The following RCL1 variants were observed in gnomAD, a reference collection of about 807,000 sequenced individuals.
The protein encoded by RCL1 is RNA 3'-terminal phosphate cyclase-like protein.
RCL1 carries 24 observed loss-of-function variants against 42.4 expected under a neutral mutation model. The ratio of observed to expected loss-of-function variants is 0.57; its 90% CI spans 0.41 to 0.80. RCL1 has a LOEUF of 0.80. Ranked by LOEUF, RCL1 falls within the 30% of genes least tolerant of loss-of-function variation. The pLI, the probability that RCL1 is intolerant of heterozygous loss-of-function variation, is 0.00. For missense variants in RCL1, 578 were observed against 467.9 expected (o/e 1.24, Z -2.17); for synonymous variants, 228 against 177.3 (o/e 1.29, Z -2.27).
chr9:4,855,858 A>T (rs7853365), intron 8 of RCL1, among the ~76,000 whole-genome samples: 2 of 152,008 alleles, frequency 1.3e-5, no homozygotes, highest in Non-Finnish European at 1.5e-5. Context: ...AATACCCCAA[A>T]CTTGCAAATA....
At chr9:4,814,265 C>T (rs1816291620) in intron 1 of RCL1, among the ~76,000 whole-genome samples, 1 of 125,798 alleles carries the variant, frequency 7.9e-6, no homozygotes, top group South Asian at 2.5e-4. Flanking sequence ...GAGTTTTTAT[C>T]ATGAGGGGGT....
At chr9:4,838,435 C>G (rs138805945) in intron 5 of RCL1, among the ~76,000 whole-genome samples, 1 of 152,126 alleles carries the variant, frequency 6.6e-6, no homozygotes, top group Non-Finnish European at 1.5e-5. Context: ...GCAGTGCTGT[C>G]CTAGGAGCTC....
In RCL1 at chr9:4,860,581, C is replaced by T; in HGVS notation, c.*306C>T. ...CTAGAACAGTCTCGTAGCTGCAGTTCAGCTGTGCTTCCTCAGCCTACTATC... is the reference window on the plus strand; with the variant it reads ...CTAGAACAGTCTCGTAGCTGCAGTTTAGCTGTGCTTCCTCAGCCTACTATC... On this transcript the variant is annotated 3_prime_UTR_variant, in exon 9 of 9. Coordinates refer to ENST00000381750, the MANE Select transcript of RCL1 (RefSeq NM_005772.5). 1 of 279,280 alleles carries T rather than the reference C, an allele frequency of 3.6e-6. No homozygotes were observed. The highest frequency in any genetic ancestry group is 6.6e-6 in the Non-Finnish European group (1 of 150,940). 17.3% of individuals were successfully genotyped at this position (279,280 alleles called of 1,614,324 possible).
intron 8 of RCL1, among the ~76,000 whole-genome samples, chr9:4,858,384 T>C (rs950377027): frequency 6.6e-6 from 1 of 152,244 alleles, no homozygotes; most frequent in Non-Finnish European, 1.5e-5. Context: ...TTTTGTCTCT[T>C]ATTGCCATCC....
chr9:4,821,044 G>A (rs1335072284), intron 1 of RCL1, among the ~76,000 whole-genome samples: 2 of 152,100 alleles, frequency 1.3e-5, no homozygotes, highest in African/African-American at 2.4e-5. Context: ...TATAGTTGAA[G>A]GTACCATGAT....
At chr9:4,826,765 C>G (rs1262923915) in intron 2 of RCL1, 93 bp from the exon 3 acceptor site, 3 of 1,146,506 alleles carry the variant, frequency 2.6e-6, no homozygotes, top group African/African-American at 3.1e-5. Context: ...ATGCCCTTGT[C>G]AGGCTTTCCC....
chr9:4,846,894 C>CTTTTTTCTTTTTTCTT lies in RCL1; in HGVS notation c.867+2219_867+2220insCTTTTTTCTTTTTTTT, dbSNP rs57427254. Among the ~76,000 whole-genome samples, 70 of 148,630 alleles carry CTTTTTTCTTTTTTCTT rather than the reference C, an allele frequency of 4.7e-4. 1 individual carries two copies. Among genetic ancestry groups the CTTTTTTCTTTTTTCTT allele is most frequent in the East Asian group, 5.9e-4 (3 of 5,076 alleles). On this transcript the variant is annotated intron_variant, in intron 7 of 8. Coordinates refer to ENST00000381750, the MANE Select transcript of RCL1 (RefSeq NM_005772.5). ...TTAAATTAGGTTCTTTAATATTTTT[C>CTTTTTTCTTTTTTCTT]TTTTTTTTTTTGAGGAAGAGTCTCA...
At chr9:4,805,647 G>A (rs969725429) in intron 1 of RCL1, among the ~76,000 whole-genome samples, 1 of 152,204 alleles carries the variant, frequency 6.6e-6, no homozygotes, top group Non-Finnish European at 1.5e-5. Flanking sequence ...GGGACAGTGG[G>A]CAGGTAGCTG....
At chr9:4,822,278 C>A (rs578199951) in intron 1 of RCL1, among the ~76,000 whole-genome samples, 4 of 152,170 alleles carry the variant, frequency 2.6e-5, no homozygotes, top group Non-Finnish European at 4.4e-5. Context: ...TGGTTTATTA[C>A]AGGAGTGGGA....
intron 1 of RCL1, among the ~76,000 whole-genome samples, chr9:4,811,249 T>A (rs1816162953): frequency 6.8e-6 from 1 of 146,060 alleles, no homozygotes. Context: ...ACCACTGCAC[T>A]GGGCAATAGA....
chr9:4,793,376 G>A (rs1343755035), intron 1 of RCL1, 149 bp downstream of exon 1: 5 of 887,500 alleles, frequency 5.6e-6, no homozygotes, highest in Non-Finnish European at 8.0e-6. Context: ...CTCCAAAGCC[G>A]GAGGGGCAGG....
intron 1 of RCL1, among the ~76,000 whole-genome samples, chr9:4,816,771 A>G (rs1816393200): frequency 6.6e-6 from 1 of 152,200 alleles, no homozygotes; most frequent in African/African-American, 2.4e-5. Flanking sequence ...CTATACTACA[A>G]TAGCCATCTT....
chr9:4,844,608 G>T lies in RCL1; in HGVS notation c.794G>T (p.Gly265Val). 1 of 1,614,088 alleles carries T rather than the reference G, an allele frequency of 6.2e-7. No individual in the cohort carries two copies. The change falls in exon 7 of 9, where the codon GGC becomes GTC. Residue 265 changes from glycine to valine, a missense_variant. By Grantham distance (109) the Gly-to-Val change is moderately radical. Transcript: ENST00000381750. The part of the protein sequence containing the change: ...LSAELASNPQ[G>V]QGAAVLPEDL... Reference sequence around the variant, plus strand: ...GCTGAACTGGCCTCCAACCCCCAGGGCCAGGGAGCAGCAGTACTTCCAGAG... The same window carrying T: ...GCTGAACTGGCCTCCAACCCCCAGGTCCAGGGAGCAGCAGTACTTCCAGAG...
chr9:4,838,723 A>C (rs1268422437), intron 5 of RCL1, among the ~76,000 whole-genome samples: 1 of 152,218 alleles, frequency 6.6e-6, no homozygotes, highest in Non-Finnish European at 1.5e-5. Context: ...AATGGGCTTT[A>C]GGAGGTTCAT....
chr9:4,793,885 G>A (rs1405586304), intron 1 of RCL1, among the ~76,000 whole-genome samples: 2 of 152,220 alleles, frequency 1.3e-5, no homozygotes, highest in African/African-American at 4.8e-5. Context: ...TAGAAAAGGG[G>A]TCGGTGACAA....
intron 1 of RCL1, among the ~76,000 whole-genome samples, chr9:4,807,941 A>G (rs1032063595): frequency 2.6e-5 from 4 of 152,042 alleles, no homozygotes; most frequent in African/African-American, 4.8e-5. Flanking sequence ...GTTCTGTTAA[A>G]TTTATTGAGT....
Position 4,834,131 on chromosome 9 carries a change from C to A in RCL1, c.460-10C>A. On this transcript the variant is annotated splice_polypyrimidine_tract_variant and intron_variant, in intron 4 of 8. Coordinates refer to ENST00000381750, the MANE Select transcript of RCL1 (RefSeq NM_005772.5). ...GCATCCTCGCCTCATCTTTCTCACT[C>A]TCTGTGTAGATTGTGCGACGGGGAA... 6.2e-7 allele frequency: 1 copy of A among 1,611,560 alleles called. No homozygotes were observed. Among genetic ancestry groups the A allele is most frequent in the South Asian group, 1.1e-5 (1 of 90,764 alleles).
chr9:4,805,245 T>C (rs186715983), intron 1 of RCL1, among the ~76,000 whole-genome samples: 1 of 151,846 alleles, frequency 6.6e-6, no homozygotes, highest in East Asian at 1.9e-4. Flanking sequence ...CCAAAAACTT[T>C]GGTTGGTGAG....
intron 7 of RCL1, among the ~76,000 whole-genome samples, chr9:4,845,216 A>G (rs927641495): frequency 6.6e-6 from 1 of 152,264 alleles, no homozygotes; most frequent in Non-Finnish European, 1.5e-5. Flanking sequence ...GAAGAAAAAA[A>G]TTTAAAAAAG....
Sources: gnomAD v4.1 joint callset for allele counts (sites outside exome capture counted in the v4.1 genomes callset) on GRCh38, gnomAD v4.1.1 for gene constraint, MANE v1.5 for transcripts, NCBI Gene and HGNC (gene_info 2026-07-23, HGNC 2026-07-21) for gene names.